The following FBN3 variants were observed in gnomAD, a reference collection of about 807,000 sequenced individuals.
The protein encoded by FBN3 is fibrillin-3.
FBN3 carries 234 observed loss-of-function variants against 330.1 expected under a neutral mutation model. The observed-to-expected ratio is 0.71, with a 90% CI of 0.64 to 0.79. The LOEUF (loss-of-function observed/expected upper bound fraction) is 0.79, where lower values mean the gene tolerates loss of function less well. Among genes scored for constraint, FBN3 ranks in the 30% least tolerant of loss-of-function variants. FBN3 has a pLI of 0.00. For missense variants in FBN3, 3,606 were observed against 3,886.9 expected (o/e 0.93, Z 1.92); for synonymous variants, 1,458 against 1,517.3 (o/e 0.96, Z 0.91).
Position 8,109,092 on chromosome 19 carries a change from G to T in FBN3, c.4618+135C>A. 1.3e-6 allele frequency: 1 copy of T among 776,298 alleles called. No individual in the cohort carries two copies. Among genetic ancestry groups the T allele is most frequent in the Non-Finnish European group, 2.0e-6 (1 of 490,524 alleles). The allele number at this position is 776,298 out of a possible 1,614,324, so 48.1% of individuals were successfully genotyped here. ...ACGTACACTGTGTGACCCAGGATGA[G>T]CCCCTCTCCTCCCCCAGTTCTTGGT... On this transcript the variant is annotated intron_variant, in intron 36 of 63. Transcript: ENST00000600128. The surrounding 1 kb of genome is among the most constrained non-coding windows in gnomAD (Gnocchi z 5.2).
intron 13 of FBN3, 25 bp downstream of exon 13, chr19:8,135,936 G>GGGGGGGGGGGGGGGGGGGGGGGCCCC: frequency 6.0e-6 from 4 of 668,774 alleles, no homozygotes; most frequent in South Asian, 1.6e-5. Context: ...GGAAGCCCCT[G>GGGGGGGGGGGGGGGGGGGGGGGCCCC]CCCACCCGCC....
chr19:8,125,424 A>AG (rs1403742779), intron 22 of FBN3, among the ~76,000 whole-genome samples: 1 of 57,514 alleles, frequency 1.7e-5, no homozygotes, highest in African/African-American at 1.3e-4. Context: ...AAGAAAAAAG[A>AG]AAAAAAAACC....
chr19:8,088,226 T>C, intron 51 of FBN3, 47 bp from the exon 52 acceptor site: 5 of 1,541,558 alleles, frequency 3.2e-6, no homozygotes, highest in Non-Finnish European at 4.4e-6. Context: ...GGGTCCCCCA[T>C]CCTCAGTAGC....
At position 8,065,430 on chromosome 19, in the gene FBN3, C is replaced by A. The variant is rs1217355345; in HGVS notation, c.*489G>T. 1 of 155,638 alleles carries A rather than the reference C, an allele frequency of 6.4e-6. No homozygotes were observed. The highest frequency in any genetic ancestry group is 2.4e-5 in the African/African-American group (1 of 41,638). The allele number at this position is 155,638 out of a possible 1,614,324, so 9.6% of individuals were successfully genotyped here. A position where few individuals can be genotyped will look rare whatever the true frequency, so the allele number is the denominator to read the frequency against. The stretch of plus-strand genomic sequence containing the variant: ...ACCCAAAATAACTTTATTATCGTCT[C>A]CACTTTTGATATAAAAGCATTCTCC... On this transcript the variant is annotated 3_prime_UTR_variant, in exon 64 of 64. Transcript: ENST00000600128.
Position 8,081,463 on chromosome 19 carries a change from G to C in FBN3, c.7231C>G (p.Gln2411Glu), listed in dbSNP as rs1011359828. ...TTCLDMDECS[Q>E]VPKPCTFLCK... is the part of the protein sequence containing the mutation. ...AGGAAGGTACATGGCTTGGGGACCTGGCTGCACTCATCCATATCTGGGGAA... is the reference window on the plus strand; with the variant it reads ...AGGAAGGTACATGGCTTGGGGACCTCGCTGCACTCATCCATATCTGGGGAA... Residue 2411 changes from glutamine to glutamate, a missense_variant, in exon 58 of 64, where the codon CAG becomes GAG. Coordinates refer to ENST00000600128, the MANE Select transcript of FBN3 (RefSeq NM_032447.5). The C allele has an allele frequency of 2.5e-6, 4 of 1,608,300 alleles. No individual in the cohort carries two copies. Among genetic ancestry groups the C allele is most frequent in the Non-Finnish European group, 3.4e-6 (4 of 1,177,592 alleles).
rs564420641 is a variant in FBN3 at position 8,080,914 on chromosome 19, G to A, written c.7453+89C>T. The A allele has an allele frequency of 1.8e-4, 167 of 940,068 alleles. 2 individuals are homozygous for A. The South Asian group carries it at 2.1e-3, about 12-fold the overall frequency. 58.2% of individuals were successfully genotyped at this position (940,068 alleles called of 1,614,324 possible). ...TGGGATTACAGGCGTGAGCCATTGCGCCTGGCCAACTTGATATTTTTTTGG... is the reference window on the plus strand; with the variant it reads ...TGGGATTACAGGCGTGAGCCATTGCACCTGGCCAACTTGATATTTTTTTGG... On this transcript the variant is annotated intron_variant, in intron 59 of 63. Coordinates refer to ENST00000600128, the MANE Select transcript of FBN3 (RefSeq NM_032447.5).
At chr19:8,084,416 A>G (rs143904904) in intron 56 of FBN3, among the ~76,000 whole-genome samples, 2,084 of 151,892 alleles carry the variant, frequency 0.014, 18 homozygotes, top group Non-Finnish European at 0.02. Flanking sequence ...TCATGCCTGT[A>G]ATCCCAGCAT....
At chr19:8,085,044 G>A (rs2081904556) in intron 56 of FBN3, among the ~76,000 whole-genome samples, 1 of 152,108 alleles carries the variant, frequency 6.6e-6, no homozygotes, top group Non-Finnish European at 1.5e-5. Context: ...GCTACTGGGA[G>A]GCAGAGGTTG....
At chr19:8,119,590 T>G (rs924209192) in intron 25 of FBN3, among the ~76,000 whole-genome samples, 2 of 152,130 alleles carry the variant, frequency 1.3e-5, no homozygotes, top group Non-Finnish European at 2.9e-5. Context: ...CTCGGCTCAC[T>G]GCAACCTCCG....
intron 14 of FBN3, among the ~76,000 whole-genome samples, chr19:8,132,327 T>G (rs1332340685): frequency 2.6e-5 from 4 of 151,806 alleles, no homozygotes; most frequent in Admixed American, 6.6e-5. Flanking sequence ...GGATTACAGG[T>G]GCATGCTACC....
intron 16 of FBN3, among the ~76,000 whole-genome samples, chr19:8,130,704 A>T (rs916632437): frequency 6.8e-6 from 1 of 147,798 alleles, no homozygotes; most frequent in African/African-American, 2.5e-5. Context: ...AGAAAAGAAA[A>T]GGAAGAAAAA....
At position 8,085,543 on chromosome 19, in the gene FBN3, C is replaced by G. The variant is rs376747910; in HGVS notation, c.6907G>C (p.Glu2303Gln). Reference sequence around the variant, plus strand: ...GACCGGCACATGGTCTGCAGCACCTCGGCAAAGCAGGGCCCCTGCCGGATG... The same window carrying G: ...GACCGGCACATGGTCTGCAGCACCTGGGCAAAGCAGGGCCCCTGCCGGATG... ...HDIRQGPCFA[E>Q]VLQTMCRSLS... The change falls in exon 56 of 64, where the codon GAG (glutamate) becomes CAG (glutamine). Residue 2303 changes from glutamate to glutamine, a missense_variant. Transcript: ENST00000600128. The G allele has an allele frequency of 6.3e-7, 1 of 1,583,558 alleles. No individual in the cohort carries two copies. Among genetic ancestry groups the G allele is most frequent in the Non-Finnish European group, 8.6e-7 (1 of 1,165,608 alleles).
chr19:8,067,204 C>CA (rs962843404), intron 63 of FBN3, among the ~76,000 whole-genome samples: 1 of 150,872 alleles, frequency 6.6e-6, no homozygotes, highest in Non-Finnish European at 1.5e-5. Flanking sequence ...CGGCTCACTG[C>CA]AACCTCTGCC....
intron 55 of FBN3, 91 bp from the exon 56 acceptor site, chr19:8,085,660 G>A: frequency 1.0e-6 from 1 of 1,002,806 alleles, no homozygotes; most frequent in Non-Finnish European, 1.4e-6. Context: ...CTGTATTTTG[G>A]GGGTGTTGGG....
At chr19:8,135,936 G>GAGCCCCCCCCCCC in intron 13 of FBN3, 25 bp downstream of exon 13, 1 of 668,778 alleles carries the variant, frequency 1.5e-6, no homozygotes, top group Non-Finnish European at 2.4e-6. Flanking sequence ...GGAAGCCCCT[G>GAGCCCCCCCCCCC]CCCACCCGCC....
intron 16 of FBN3, among the ~76,000 whole-genome samples, chr19:8,130,909 A>G (rs561622678): frequency 2.0e-5 from 3 of 151,894 alleles, no homozygotes; most frequent in African/African-American, 7.2e-5. Context: ...GGAGAACACC[A>G]TGTGAAGATG....
At chr19:8,092,707 C>CAAAAAAA (rs33973797) in intron 47 of FBN3, among the ~76,000 whole-genome samples, 1 of 70,156 alleles carries the variant, frequency 1.4e-5, no homozygotes, top group Non-Finnish European at 2.7e-5. Flanking sequence ...GAGACTCCAC[C>CAAAAAAA]AAAAAAAAAA....
chr19:8,089,226 G>T (rs188680319), intron 51 of FBN3, among the ~76,000 whole-genome samples: 1 of 152,068 alleles, frequency 6.6e-6, no homozygotes, highest in Non-Finnish European at 1.5e-5. Flanking sequence ...AATGAATAAG[G>T]GAGTAAATGA....
intron 59 of FBN3, among the ~76,000 whole-genome samples, chr19:8,078,008 T>G (rs1426623128): frequency 6.6e-6 from 1 of 151,272 alleles, no homozygotes; most frequent in Non-Finnish European, 1.5e-5. Flanking sequence ...ACCTGGGAGG[T>G]GAGATTGCAG....
Sources: gnomAD v4.1 joint callset for allele counts (sites outside exome capture counted in the v4.1 genomes callset) on GRCh38, gnomAD v4.1.1 for gene constraint, Gnocchi (gnomAD v3.1) non-coding constraint, MANE v1.5 for transcripts, NCBI Gene and HGNC (gene_info 2026-07-23, HGNC 2026-07-21) for gene names.